The following BCL11B variants were observed in gnomAD, a reference collection of about 807,000 sequenced individuals.
BCL11B encodes the protein B-cell lymphoma/leukemia 11B.
In BCL11B, 8 loss-of-function variants were observed where a neutral mutation model predicts 49.9. The ratio of observed to expected loss-of-function variants is 0.16; its 90% CI spans 0.09 to 0.29. The LOEUF (loss-of-function observed/expected upper bound fraction) is 0.29, where lower values mean the gene tolerates loss of function less well. Among genes scored for constraint, BCL11B ranks in the 10% least tolerant of loss-of-function variants. BCL11B has a pLI of 1.00. For synonymous variants in BCL11B, 739 were observed against 637.4 expected (o/e 1.16, Z -2.40); for missense variants, 1,006 against 1,351.0 (o/e 0.74, Z 4.00).
At chr14:99,255,153 C>G (rs747061043) in intron 2 of BCL11B, among the ~76,000 whole-genome samples, 1 of 152,078 alleles carries the variant, frequency 6.6e-6, no homozygotes, top group African/African-American at 2.4e-5. Flanking sequence ...AGAAGGCAGG[C>G]GCATGTGTGC....
chr14:99,265,858 C>T (rs896932640), intron 1 of BCL11B, among the ~76,000 whole-genome samples: 2 of 152,212 alleles, frequency 1.3e-5, no homozygotes, highest in South Asian at 2.1e-4. Context: ...TCTTTCCTGT[C>T]GCAGGGTAAC....
intron 2 of BCL11B, among the ~76,000 whole-genome samples, chr14:99,253,553 C>T (rs1432509133): frequency 1.3e-5 from 2 of 152,162 alleles, no homozygotes; most frequent in Non-Finnish European, 2.9e-5. Context: ...ATGAGGAAAC[C>T]GCGGCTCAGA....
At chr14:99,219,095 G>A (rs117371399) in intron 3 of BCL11B, among the ~76,000 whole-genome samples, 1,784 of 151,296 alleles carry the variant, frequency 0.012, 50 homozygotes, top group East Asian at 0.11. Context: ...AGGCTGGAGT[G>A]CAGTGGCACG....
chr14:99,195,565 G>A lies in BCL11B; in HGVS notation c.641-19370C>T, dbSNP rs950814752. ...AGTGTATCTTCGTGAACCCCCACAA[G>A]GCTCGTATGCCTTGGATTCCACATG... On this transcript the variant is annotated intron_variant, in intron 3 of 3. Transcript: ENST00000357195. The surrounding 1 kb of genome is among the most constrained non-coding windows in gnomAD (Gnocchi z 4.7). Among the ~76,000 whole-genome samples the A allele has an allele frequency of 6.6e-6, 1 of 152,124 alleles. No individual in the cohort carries two copies. The highest frequency in any genetic ancestry group is 1.5e-5 in the Non-Finnish European group (1 of 68,028).
chr14:99,187,584 A>C (rs1886890995), intron 3 of BCL11B, among the ~76,000 whole-genome samples: 1 of 151,524 alleles, frequency 6.6e-6, no homozygotes, highest in Non-Finnish European at 1.5e-5. Context: ...TTTTGCAGAG[A>C]ATGTGAAAGA....
chr14:99,227,892 C>G (rs1188647494), intron 3 of BCL11B, among the ~76,000 whole-genome samples: 1 of 152,008 alleles, frequency 6.6e-6, no homozygotes, highest in African/African-American at 2.4e-5. Context: ...TCAGCAGAGT[C>G]AAAAAGAGTC....
intron 3 of BCL11B, among the ~76,000 whole-genome samples, chr14:99,201,409 G>A (rs941568113): frequency 1.3e-5 from 2 of 152,190 alleles, no homozygotes; most frequent in South Asian, 2.1e-4. Context: ...ATGAATCGCT[G>A]TCATGATCAT....
rs1485398671 is a variant in BCL11B, at chr14:99,241,680, T to C, written c.428-10123A>G. Among the ~76,000 whole-genome samples the C allele has an allele frequency of 1.3e-5, 2 of 152,110 alleles. No homozygotes were observed. The highest frequency in any genetic ancestry group is 4.8e-5 in the African/African-American group (2 of 41,496). On this transcript the variant is annotated intron_variant, in intron 2 of 3. Transcript: ENST00000357195. The surrounding 1 kb of genome is among the most constrained non-coding windows in gnomAD (Gnocchi z 4.4). ...TGTGCTGTAGGGGGGACGATGTCGC[T>C]TTTTTCCCCCTTCCCTAAGTGCATT...
At chr14:99,265,688 C>T (rs1431616658) in intron 1 of BCL11B, among the ~76,000 whole-genome samples, 1 of 152,174 alleles carries the variant, frequency 6.6e-6, no homozygotes, top group Non-Finnish European at 1.5e-5. Context: ...CCACTACATG[C>T]TTACAACTGG....
rs767763874 is a variant in BCL11B at position 99,175,600 on chromosome 14, C to T, written c.1236G>A (p.Met412Ile). 5.1e-6 allele frequency: 8 copies of T among 1,570,826 alleles called. No individual in the cohort carries two copies. The African/African-American group carries it at 9.7e-5, about 19-fold the overall frequency. Residue 412 changes from methionine (M) to isoleucine (I), a missense_variant, in exon 4 of 4, where the codon ATG becomes ATA. Coordinates refer to ENST00000357195, the MANE Select transcript of BCL11B (RefSeq NM_138576.4). Reference protein sequence around the residue: ...PFLSTPPLPPMPPGGTPPPQP... With the variant: ...PFLSTPPLPPIPPGGTPPPQP... ...GCGGGGGCGGCGTGCCGCCAGGGGG[C>T]ATGGGCGGCAGCGGCGGCGTGCTCA...
chr14:99,238,026 G>A (rs374987772), intron 2 of BCL11B, among the ~76,000 whole-genome samples: 5 of 152,028 alleles, frequency 3.3e-5, no homozygotes, highest in African/African-American at 9.6e-5. Context: ...TTCCACAAAC[G>A]GCCATCCAGA....
chr14:99,179,901 G>GA (rs1886651916), intron 3 of BCL11B, among the ~76,000 whole-genome samples: 1 of 152,128 alleles, frequency 6.6e-6, no homozygotes, highest in Non-Finnish European at 1.5e-5. Flanking sequence ...TTTCAGAAAT[G>GA]GAACAATGTC....
chr14:99,173,613 C>CA lies in BCL11B; in HGVS notation c.*537dup, dbSNP rs894280889. On this transcript the variant is annotated 3_prime_UTR_variant, in exon 4 of 4. Coordinates refer to ENST00000357195, the MANE Select transcript of BCL11B (RefSeq NM_138576.4). ...CTGCATGCCACTTTTTATTTCAGGA[C>CA]AAAAAAAAGGAAGGAATGAAAAAGT... is the stretch of plus-strand genomic sequence containing the variant. 9.7e-5 allele frequency: 18 copies of CA among 186,500 alleles called. No homozygotes were observed. Among genetic ancestry groups the CA allele is most frequent in the Non-Finnish European group, 1.2e-4 (11 of 92,234 alleles). The allele number at this position is 186,500 out of a possible 1,614,324, so 11.6% of individuals were successfully genotyped here.
chr14:99,265,385 TA>T (rs1458509602), intron 1 of BCL11B, among the ~76,000 whole-genome samples: 1 of 152,140 alleles, frequency 6.6e-6, no homozygotes, highest in Non-Finnish European at 1.5e-5. Context: ...AGGTGAGGCC[TA>T]ACCAGGCAGC....
At chr14:99,203,302 AC>A (rs1887439449) in intron 3 of BCL11B, among the ~76,000 whole-genome samples, 1 of 152,128 alleles carries the variant, frequency 6.6e-6, no homozygotes, top group Non-Finnish European at 1.5e-5. Flanking sequence ...GAGGGAAATA[AC>A]CCGTGAAGCC....
intron 2 of BCL11B, among the ~76,000 whole-genome samples, chr14:99,250,135 A>G (rs1888965122): frequency 6.8e-6 from 1 of 146,472 alleles, no homozygotes; most frequent in African/African-American, 2.6e-5. Context: ...TCCTGGGTTC[A>G]CACCATTCTC....
intron 3 of BCL11B, among the ~76,000 whole-genome samples, chr14:99,190,362 G>C (rs1307323261): frequency 6.6e-6 from 1 of 152,202 alleles, no homozygotes; most frequent in Non-Finnish European, 1.5e-5. Context: ...GGTGGCATGC[G>C]CCTGTAGTCC....
chr14:99,212,910 C>G (rs74949846), intron 3 of BCL11B, among the ~76,000 whole-genome samples: 128 of 152,316 alleles, frequency 8.4e-4, no homozygotes, highest in Non-Finnish European at 1.4e-3. Context: ...CTGGGTCTGT[C>G]CCCAAACCCA....
At position 99,243,972 on chromosome 14, in the gene BCL11B, G is replaced by A. The variant is rs543091599; in HGVS notation, c.428-12415C>T. Among the ~76,000 whole-genome samples, 23 of 143,884 alleles carry A rather than the reference G, an allele frequency of 1.6e-4. 1 individual carries two copies. The East Asian group carries it at 4.3e-3, about 27-fold the overall frequency. The allele number at this position is 143,884 out of a possible 152,430, so 94.4% of individuals were successfully genotyped here. ...AAAAAAGCAAGGAAAGTGCCCTACA[G>A]ACACATGGCAGGGCTCGGAAGCACA... On this transcript the variant is annotated intron_variant, in intron 2 of 3. Transcript: ENST00000357195.
Sources: allele counts gnomAD v4.1 joint callset (sites outside exome capture counted in the v4.1 genomes callset), GRCh38; gene constraint gnomAD v4.1.1; non-coding constraint Gnocchi (gnomAD v3.1); transcripts MANE v1.5; gene names NCBI Gene and HGNC (gene_info 2026-07-23, HGNC 2026-07-21).